The following HIVEP1 variants were observed in gnomAD, a reference collection of about 807,000 sequenced individuals.
HIVEP1 encodes the protein HIVEP zinc finger 1, also known as zinc finger protein 40.
In HIVEP1, 36 loss-of-function variants were observed where a neutral mutation model predicts 180.0. That is an observed-to-expected ratio of 0.20 (90% confidence interval 0.15 to 0.26). HIVEP1 has a LOEUF of 0.26. Among genes scored for constraint, HIVEP1 ranks in the 10% least tolerant of loss-of-function variants. HIVEP1 has a pLI of 1.00. For missense variants in HIVEP1, 3,143 were observed against 3,268.7 expected (o/e 0.96, Z 0.94); for synonymous variants, 1,239 against 1,239.0 (o/e 1.00, Z 0.00).
At chr6:12,020,150 T>C (rs1448971667) in intron 2 of HIVEP1, 23 of 350,188 alleles carry the variant, frequency 6.6e-5, no homozygotes, top group South Asian at 4.5e-4. Flanking sequence ...ATCTGTATAC[T>C]GTGTAGGACT....
At chr6:12,152,138 G>C (rs1265720291) in intron 7 of HIVEP1, among the ~76,000 whole-genome samples, 1 of 151,906 alleles carries the variant, frequency 6.6e-6, no homozygotes, top group Non-Finnish European at 1.5e-5. Context: ...CCTGGGTGAC[G>C]GAGCAAGACT....
chr6:12,008,320 A>C (rs955584949), upstream of HIVEP1: 10 of 152,202 alleles, frequency 6.6e-5, no homozygotes, highest in African/African-American at 2.4e-4. Flanking sequence ...TTTACCTTCC[A>C]AACTGAGATC....
upstream of HIVEP1, among the ~76,000 whole-genome samples, chr6:12,011,633 G>C (rs1274311339): frequency 6.8e-6 from 1 of 146,054 alleles, no homozygotes; most frequent in Non-Finnish European, 1.5e-5. Flanking sequence ...GCGGCGGCTC[G>C]GCCGGGCGGG....
intron 2 of HIVEP1, among the ~76,000 whole-genome samples, chr6:12,017,977 C>T (rs571273361): frequency 5.3e-5 from 8 of 152,336 alleles, no homozygotes; most frequent in South Asian, 2.1e-4. Flanking sequence ...CAGGGGGCAG[C>T]GCTCATCGGG....
At chr6:12,186,126 G>A in the HIVEP1 span, among the ~76,000 whole-genome samples, 1 of 151,744 alleles carries the variant, frequency 6.6e-6, no homozygotes, top group Non-Finnish European at 1.5e-5. Context: ...ATAGCCAAAA[G>A]CAAGTAAAAA....
chr6:12,202,963 A>T, the HIVEP1 span, among the ~76,000 whole-genome samples: 1 of 152,254 alleles, frequency 6.6e-6, no homozygotes, highest in Non-Finnish European at 1.5e-5. Context: ...TAAACACAGA[A>T]TGTGCATTTG....
At chr6:12,035,107 A>G (rs1769191088) in intron 2 of HIVEP1, among the ~76,000 whole-genome samples, 1 of 152,230 alleles carries the variant, frequency 6.6e-6, no homozygotes, top group Non-Finnish European at 1.5e-5. Flanking sequence ...CAGGATCTAT[A>G]TATGGTGGGT....
At position 12,148,917 on chromosome 6, in the gene HIVEP1, T is replaced by C. The variant is rs531652502; in HGVS notation, c.6488-12522T>C. On this transcript the variant is annotated intron_variant, in intron 7 of 8. Transcript: ENST00000379388. ...CCCAAACACAGTCGAAGTATGTCGT[T>C]TCATCATGCTAACAGATTATAGATG... 2.0e-5 allele frequency among the ~76,000 whole-genome samples: 3 copies of C among 152,318 alleles called. No homozygotes were observed. The South Asian group carries it at 6.2e-4, about 32-fold the overall frequency.
intron 6 of HIVEP1, among the ~76,000 whole-genome samples, chr6:12,135,160 G>T (rs1053024446): frequency 1.3e-5 from 2 of 152,182 alleles, no homozygotes; most frequent in Non-Finnish European, 2.9e-5. Context: ...GTGACTTTGG[G>T]CCATGTGGGA....
At chr6:12,204,447 C>A in the HIVEP1 span, among the ~76,000 whole-genome samples, 4 of 148,276 alleles carry the variant, frequency 2.7e-5, no homozygotes, top group South Asian at 4.3e-4. Context: ...ATATCCCAGG[C>A]ACTGTGCCCA....
chr6:12,186,494 G>A, the HIVEP1 span, among the ~76,000 whole-genome samples: 1 of 150,070 alleles, frequency 6.7e-6, no homozygotes, highest in African/African-American at 2.5e-5. Context: ...TCTTACACAG[G>A]ATTGTGGTGA....
At position 12,124,158 on chromosome 6, in the gene HIVEP1, G is replaced by T; in HGVS notation, c.4363G>T (p.Ala1455Ser). Residue 1455 changes from alanine to serine, a missense_variant, in exon 4 of 9, where the codon GCT (alanine) becomes TCT (serine). This residue lies in a region of HIVEP1 where 1,357 missense variants were observed against 1,260.5 expected (regional missense o/e 1.08). Coordinates refer to ENST00000379388, the MANE Select transcript of HIVEP1 (RefSeq NM_002114.4). ...PVHPTSFQNT[A>S]LPSVNAVPYQ... ...ACACCCAACATCTTTCCAAAATACT[G>T]CTCTTCCCAGTGTGAATGCAGTGCC... The T allele has an allele frequency of 6.2e-7, 1 of 1,614,002 alleles. No individual in the cohort carries two copies. The highest frequency in any genetic ancestry group is 1.1e-5 in the South Asian group (1 of 91,064).
At chr6:12,158,971 C>T (rs990787707) in intron 7 of HIVEP1, among the ~76,000 whole-genome samples, 3 of 152,164 alleles carry the variant, frequency 2.0e-5, no homozygotes, top group African/African-American at 7.2e-5. Context: ...TGGCATAGAT[C>T]CTGTGTGAGA....
the HIVEP1 span, among the ~76,000 whole-genome samples, chr6:12,202,408 A>C: frequency 3.7e-4 from 57 of 152,256 alleles, 1 homozygote; most frequent in African/African-American, 1.2e-3. Context: ...CAAAGTGCTA[A>C]AATTATAGGC....
At chr6:12,046,823 ACTT>A (rs1440811248) in intron 2 of HIVEP1, among the ~76,000 whole-genome samples, 9 of 135,954 alleles carry the variant, frequency 6.6e-5, no homozygotes, top group Admixed American at 1.5e-4. Flanking sequence ...AAAGCTTTAC[ACTT>A]CTTCTTACTG....
At chr6:12,051,271 A>G (rs112288730) in intron 2 of HIVEP1, among the ~76,000 whole-genome samples, 1,691 of 151,750 alleles carry the variant, frequency 0.011, 34 homozygotes, top group African/African-American at 0.038. Context: ...ACTGTCAGTC[A>G]TTCTTCTCTG....
At chr6:12,131,508 A>G (rs896401814) in intron 6 of HIVEP1, among the ~76,000 whole-genome samples, 2 of 151,758 alleles carry the variant, frequency 1.3e-5, no homozygotes, top group Non-Finnish European at 2.9e-5. Flanking sequence ...AAGAAGTCTC[A>G]GAACTAATCA....
At position 12,135,685 on chromosome 6, in the gene HIVEP1, C is replaced by T. The variant is rs1758664566; in HGVS notation, c.6386-106C>T. The T allele has an allele frequency of 1.4e-5, 10 of 712,176 alleles. No individual in the cohort carries two copies. The Middle Eastern group carries it at 8.1e-4, about 58-fold the overall frequency. 44.1% of individuals were successfully genotyped at this position (712,176 alleles called of 1,614,324 possible). On this transcript the variant is annotated intron_variant, in intron 6 of 8. Transcript: ENST00000379388. ...CATTTTAGTCATTGGAGTTGTACGA[C>T]CACAATCTGTACTTTTGCTTGAATA...
intron 2 of HIVEP1, among the ~76,000 whole-genome samples, chr6:12,021,331 A>G (rs1387799150): frequency 1.3e-5 from 2 of 152,304 alleles, no homozygotes; most frequent in East Asian, 3.9e-4. Context: ...GGAGCTCAGC[A>G]TGCACATCCG....
Sources: gnomAD v4.1 joint callset for allele counts (sites outside exome capture counted in the v4.1 genomes callset) on GRCh38, gnomAD v4.1.1 for gene constraint, gnomAD v4.1.1 regional missense constraint, MANE v1.5 for transcripts, NCBI Gene and HGNC (gene_info 2026-07-23, HGNC 2026-07-21) for gene names.